Variants in TBL1X observed in about 807,000 individuals in gnomAD.
TBL1X encodes the protein transducin beta like 1 X-linked.
Under a neutral mutation model 50.7 loss-of-function variants are expected in TBL1X, and 10 were observed. That is an observed-to-expected ratio of 0.20 (90% CI 0.12 to 0.33). The LOEUF is 0.33. Ranked by LOEUF, TBL1X falls within the 10% of genes least tolerant of loss-of-function variation. The pLI is 1.00. For missense variants in TBL1X, 340 were observed against 504.4 expected (o/e 0.67, Z 3.12); for synonymous variants, 190 against 214.7 (o/e 0.88, Z 1.01).
Position 9,491,337 on chromosome X carries a change from TA to T in TBL1X, c.-200-10442del, listed in dbSNP as rs1251731787. 9.2e-3 allele frequency among the ~76,000 whole-genome samples: 231 copies of T among 25,229 alleles called. 1 individual carries two copies. Among genetic ancestry groups the T allele is most frequent in the East Asian group, 0.027 (10 of 377 alleles). The allele number at this position is 25,229 out of a possible 115,157, so 21.9% of individuals were successfully genotyped here. ...ATATATATATATATATATATATATATATTTTTTTTTTTTTTTTCTTTGAGAC... is the reference window on the plus strand; with the variant it reads ...ATATATATATATATATATATATATATTTTTTTTTTTTTTTTTCTTTGAGAC... On this transcript the variant is annotated intron_variant, in intron 1 of 17. Coordinates refer to ENST00000645353, the MANE Select transcript of TBL1X (RefSeq NM_005647.4).
Position 9,572,348 on chromosome X carries a change from C to G in TBL1X, c.-130-67925C>G, listed in dbSNP as rs977105908. On this transcript the variant is annotated intron_variant, in intron 2 of 17. Transcript: ENST00000645353. ...TGCTAGCTTCTCCCGAGCTTCCTGC[C>G]AAAACCCTGTAGCCGGCCTTCGCCA... 6.2e-5 allele frequency among the ~76,000 whole-genome samples: 7 copies of G among 113,048 alleles called. No individual in the cohort carries two copies. In the Admixed American group the frequency reaches 6.5e-4, roughly 11 times the overall value.
chrX:9,649,672 T>G (rs2082823227), intron 3 of TBL1X, among the ~76,000 whole-genome samples: 1 of 112,174 alleles, frequency 8.9e-6, no homozygotes, highest in Non-Finnish European at 1.9e-5. Context: ...TCCATAGTTC[T>G]ATATAAACAC....
chrX:9,664,449 T>A (rs1277727108), intron 5 of TBL1X, among the ~76,000 whole-genome samples: 4 of 110,908 alleles, frequency 3.6e-5, no homozygotes, highest in Non-Finnish European at 7.6e-5. Flanking sequence ...ACACAGACAC[T>A]GTGGGGCCGT....
intron 2 of TBL1X, among the ~76,000 whole-genome samples, chrX:9,529,591 A>C (rs2082149773): frequency 1.8e-5 from 2 of 110,374 alleles, no homozygotes; most frequent in Admixed American, 1.9e-4. Flanking sequence ...GTTGTTTGGG[A>C]GTAAGAATAA....
chrX:9,603,897 G>A (rs928769237), intron 2 of TBL1X, among the ~76,000 whole-genome samples: 3 of 110,972 alleles, frequency 2.7e-5, no homozygotes, highest in Non-Finnish European at 5.7e-5. Flanking sequence ...TCTCTGCCTC[G>A]GTGACTACAT....
chrX:9,657,421 C>T (rs768758012), intron 5 of TBL1X, among the ~76,000 whole-genome samples: 1 of 112,463 alleles, frequency 8.9e-6, no homozygotes, highest in African/African-American at 3.2e-5. Flanking sequence ...CTCTTCCTCC[C>T]CTCTGCCAGT....
At chrX:9,500,169 T>C (rs2081993115) in intron 1 of TBL1X, among the ~76,000 whole-genome samples, 1 of 101,314 alleles carries the variant, frequency 9.9e-6, no homozygotes, top group Non-Finnish European at 2.0e-5. Flanking sequence ...CCCAGCAACA[T>C]GGGAGGCTGA....
chrX:9,536,577 T>G (rs2082189126), intron 2 of TBL1X, among the ~76,000 whole-genome samples: 1 of 111,695 alleles, frequency 9.0e-6, no homozygotes, highest in African/African-American at 3.3e-5. Context: ...TCATGTAGTA[T>G]TCATGTCTTA....
Position 9,599,189 on chromosome X carries a change from C to T in TBL1X, c.-130-41084C>T, listed in dbSNP as rs768249096. On this transcript the variant is annotated intron_variant, in intron 2 of 17. Coordinates refer to ENST00000645353, the MANE Select transcript of TBL1X (RefSeq NM_005647.4). The stretch of plus-strand genomic sequence containing the variant: ...GAACTCCTGACCTCAGGTGATCCGC[C>T]CACCTCAGACTCCCAAAGTGTTAGG... 1.7e-3 allele frequency among the ~76,000 whole-genome samples: 193 copies of T among 110,685 alleles called. 1 individual carries two copies. The highest frequency in any genetic ancestry group is 5.7e-3 in the African/African-American group (173 of 30,359).
rs1046868624 is a variant in TBL1X, at chrX:9,716,469, G to A, written c.*223G>A. ...AAGCAAATCATATCAAACGGGGATA[G>A]AATGGTTTCCACTGAGGACATTCAG... On this transcript the variant is annotated 3_prime_UTR_variant, in exon 18 of 18. Transcript: ENST00000645353. The A allele has an allele frequency of 1.9e-4, 69 of 361,887 alleles. No individual in the cohort carries two copies. Among genetic ancestry groups the A allele is most frequent in the Non-Finnish European group, 3.1e-4 (64 of 208,883 alleles). 29.8% of individuals were successfully genotyped at this position (361,887 alleles called of 1,213,427 possible).
chrX:9,598,914 T>TTTTGTTTTG (rs1555898908), intron 2 of TBL1X, among the ~76,000 whole-genome samples: 3 of 98,362 alleles, frequency 3.0e-5, no homozygotes, highest in Admixed American at 1.1e-4. Context: ...CTACCTTTTT[T>TTTTGTTTTG]TTTTGTTTTG....
intron 2 of TBL1X, among the ~76,000 whole-genome samples, chrX:9,534,229 C>A (rs2082176592): frequency 8.9e-6 from 1 of 111,830 alleles, no homozygotes; most frequent in South Asian, 3.8e-4. Flanking sequence ...ACAGCAACAT[C>A]TGTGCAGGCA....
intron 1 of TBL1X, among the ~76,000 whole-genome samples, chrX:9,491,615 C>T (rs185337180): frequency 9.1e-6 from 1 of 109,940 alleles, no homozygotes; most frequent in East Asian, 2.8e-4. Flanking sequence ...GTATCAATTG[C>T]AATGTGAGTT....
In TBL1X at chrX:9,510,807, C is replaced by CTAAAT. The variant is rs2082051714; in HGVS notation, c.-131+8958_-131+8959insTAAAT. On this transcript the variant is annotated intron_variant, in intron 2 of 17. Transcript: ENST00000645353. ...AAAGAGGAGGGAATTCTACCAGTAT[C>CTAAAT]CTGCCTTTGGATTTGAGACTGTGAC... Among the ~76,000 whole-genome samples the CTAAAT allele has an allele frequency of 8.0e-5, 9 of 112,008 alleles. No homozygotes were observed. The South Asian group carries it at 3.4e-3, about 42-fold the overall frequency.
chrX:9,590,402 T>TA (rs199860097), intron 2 of TBL1X, among the ~76,000 whole-genome samples: 2,821 of 110,239 alleles, frequency 0.026, 81 homozygotes, highest in African/African-American at 0.087. Flanking sequence ...CACGAATAAG[T>TA]AAAAAAAACA....
chrX:9,655,386 A>G (rs2082859552), intron 5 of TBL1X, among the ~76,000 whole-genome samples: 1 of 110,935 alleles, frequency 9.0e-6, no homozygotes. Flanking sequence ...CTGTGTTCAG[A>G]TTTGTCCACA....
intron 2 of TBL1X, among the ~76,000 whole-genome samples, chrX:9,502,089 C>G (rs777534571): frequency 2.7e-5 from 3 of 112,805 alleles, no homozygotes; most frequent in Admixed American, 1.9e-4. Context: ...GTATAAAATA[C>G]ACACTGGATT....
intron 5 of TBL1X, among the ~76,000 whole-genome samples, chrX:9,666,245 G>T (rs967630544): frequency 2.2e-4 from 25 of 111,301 alleles, no homozygotes; most frequent in African/African-American, 7.5e-4. Context: ...TGCTCTCCTG[G>T]CTCTGTTTCT....
At chrX:9,609,482 C>T (rs903844393) in intron 2 of TBL1X, among the ~76,000 whole-genome samples, 9 of 109,139 alleles carry the variant, frequency 8.2e-5, no homozygotes, top group Admixed American at 7.9e-4. Flanking sequence ...TTGACCTTCT[C>T]CAGGAAGCAT....
Sources: gnomAD v4.1 joint callset for allele counts (sites outside exome capture counted in the v4.1 genomes callset) on GRCh38, gnomAD v4.1.1 for gene constraint, MANE v1.5 for transcripts, NCBI Gene and HGNC (gene_info 2026-07-23, HGNC 2026-07-21) for gene names.